ADCY2: variants seen among roughly 807,000 people sequenced by gnomAD.
ADCY2 encodes adenylate cyclase type 2.
ADCY2 carries 31 observed loss-of-function variants against 125.2 expected under a neutral mutation model. That is an observed-to-expected ratio of 0.25 (90% CI 0.19 to 0.33). The LOEUF is 0.33. ADCY2 is among the 10% of genes least tolerant of loss of function. The pLI, the probability that ADCY2 is intolerant of heterozygous loss-of-function variation, is 1.00. For synonymous variants in ADCY2, 512 were observed against 548.4 expected, an observed-to-expected ratio of 0.93 and a Z score of 0.93; for missense variants, 904 against 1,418.2, an observed-to-expected ratio of 0.64 and a Z score of 5.82.
intron 2 of ADCY2, among the ~76,000 whole-genome samples, chr5:7,479,743 C>G (rs1308671808): frequency 6.6e-6 from 1 of 152,018 alleles, no homozygotes; most frequent in Non-Finnish European, 1.5e-5. Flanking sequence ...CGTAAATCCC[C>G]CCAGTTACCC....
intron 3 of ADCY2, among the ~76,000 whole-genome samples, chr5:7,562,928 AT>A: frequency 6.6e-6 from 1 of 152,322 alleles, no homozygotes; most frequent in East Asian, 1.9e-4. Flanking sequence ...ATGGCAAGAC[AT>A]TCTTATTAAC....
intron 3 of ADCY2, among the ~76,000 whole-genome samples, chr5:7,613,314 T>C (rs1410140839): frequency 1.3e-5 from 2 of 152,138 alleles, no homozygotes; most frequent in Non-Finnish European, 2.9e-5. Flanking sequence ...GTGTGTCCTA[T>C]CACCGGAGCT....
intron 2 of ADCY2, among the ~76,000 whole-genome samples, chr5:7,504,617 CTTT>C (rs563915228): frequency 1.4e-5 from 2 of 138,028 alleles, no homozygotes; most frequent in Non-Finnish European, 1.6e-5. Context: ...TTTTTTCTTT[CTTT>C]TTTTTTTTTT....
At chr5:7,792,568 C>G (rs1291474253) in intron 20 of ADCY2, among the ~76,000 whole-genome samples, 1 of 151,986 alleles carries the variant, frequency 6.6e-6, no homozygotes, top group Non-Finnish European at 1.5e-5. Context: ...AGAGCCCTGT[C>G]TCATGTCCTG....
rs1554030724 is a variant in ADCY2, at chr5:7,674,080, C to CAT, written c.721-16611_721-16610insAT. Among the ~76,000 whole-genome samples, 19 of 1,602 alleles carry CAT rather than the reference C, an allele frequency of 0.012. No homozygotes were observed. The South Asian group carries it at 0.29, about 24-fold the overall frequency. The allele number at this position is 1,602 out of a possible 152,430, so 1.1% of individuals were successfully genotyped here. On this transcript the variant is annotated intron_variant, in intron 4 of 24. Transcript: ENST00000338316. ...CTCAGAGGGTAGGGTCCAGTCTCAGCGTGTGTCGTCAGCTGTCCCTAGCTT... is the reference window on the plus strand; with the variant it reads ...CTCAGAGGGTAGGGTCCAGTCTCAGCATGTGTGTCGTCAGCTGTCCCTAGCTT...
chr5:7,636,212 G>A (rs1027025189), intron 4 of ADCY2, among the ~76,000 whole-genome samples: 4 of 152,266 alleles, frequency 2.6e-5, no homozygotes, highest in East Asian at 1.9e-4. Context: ...AAGAGAGGGC[G>A]CAGCACCATT....
intron 3 of ADCY2, among the ~76,000 whole-genome samples, chr5:7,564,377 G>T (rs1184176517): frequency 1.3e-5 from 2 of 152,176 alleles, no homozygotes; most frequent in East Asian, 3.9e-4. Context: ...GGGATTCATT[G>T]TGATCTAAGT....
chr5:7,826,978 A>G lies in ADCY2; in HGVS notation c.*107A>G, dbSNP rs1339255779. 40 of 1,371,686 alleles carry G rather than the reference A, an allele frequency of 2.9e-5. No homozygotes were observed. The highest frequency in any genetic ancestry group is 2.3e-4 in the Middle Eastern group (1 of 4,270). The allele number at this position is 1,371,686 out of a possible 1,614,324, so 85.0% of individuals were successfully genotyped here. On this transcript the variant is annotated 3_prime_UTR_variant, in exon 25 of 25. Transcript: ENST00000338316. ...TTTTGATGTGCGTGCTGTCTGTCCT[A>G]TGGAGCCTCTGCAGACTCGTTCTCG...
At chr5:7,618,205 A>G (rs1022615796) in intron 3 of ADCY2, among the ~76,000 whole-genome samples, 1 of 152,146 alleles carries the variant, frequency 6.6e-6, no homozygotes, top group Non-Finnish European at 1.5e-5. Context: ...CCTCTGTGCA[A>G]TCTTGTCTCT....
chr5:7,748,966 C>T (rs982514464), intron 15 of ADCY2, among the ~76,000 whole-genome samples: 2 of 152,112 alleles, frequency 1.3e-5, no homozygotes, highest in African/African-American at 4.8e-5. Context: ...GCCTTGGAAC[C>T]TTATAGTAGA....
chr5:7,494,836 A>C (rs1247581896), intron 2 of ADCY2, among the ~76,000 whole-genome samples: 2 of 152,224 alleles, frequency 1.3e-5, no homozygotes, highest in Admixed American at 1.3e-4. Flanking sequence ...CATTTTGATT[A>C]GTTGAACTTG....
At chr5:7,504,241 CAAAAT>C (rs1743713058) in intron 2 of ADCY2, among the ~76,000 whole-genome samples, 1 of 152,114 alleles carries the variant, frequency 6.6e-6, no homozygotes, top group Non-Finnish European at 1.5e-5. Context: ...ACGACAGAGC[CAAAAT>C]CCCTTATGAA....
At chr5:7,490,797 A>G (rs904733191) in intron 2 of ADCY2, among the ~76,000 whole-genome samples, 2 of 152,334 alleles carry the variant, frequency 1.3e-5, no homozygotes, top group South Asian at 4.1e-4. Context: ...GACCACCTGA[A>G]CAGACATGTC....
At chr5:7,555,854 G>GCACACACA (rs58926524) in intron 3 of ADCY2, among the ~76,000 whole-genome samples, 1 of 142,642 alleles carries the variant, frequency 7.0e-6, no homozygotes, top group African/African-American at 2.7e-5. Flanking sequence ...ACATGTGAGC[G>GCACACACA]CACACACACA....
At chr5:7,724,712 CT>C (rs1039899806) in intron 13 of ADCY2, 98 bp downstream of exon 13, 31 of 819,268 alleles carry the variant, frequency 3.8e-5, no homozygotes, top group African/African-American at 1.8e-5. Flanking sequence ...GACATTTAAA[CT>C]GCCTCTGACT....
At chr5:7,651,929 A>C (rs1390230917) in intron 4 of ADCY2, among the ~76,000 whole-genome samples, 1 of 152,080 alleles carries the variant, frequency 6.6e-6, no homozygotes, top group African/African-American at 2.4e-5. Flanking sequence ...CAACCTCCCA[A>C]GTAGCTAGGA....
intron 4 of ADCY2, among the ~76,000 whole-genome samples, chr5:7,647,359 AATG>A (rs949856505): frequency 4.6e-5 from 7 of 152,294 alleles, no homozygotes; most frequent in African/African-American, 1.4e-4. Flanking sequence ...CCACGTAAGC[AATG>A]ATAATATCTG....
intron 3 of ADCY2, among the ~76,000 whole-genome samples, chr5:7,539,896 A>G (rs78538453): frequency 0.016 from 2,472 of 152,352 alleles, 85 homozygotes; most frequent in African/African-American, 0.056. Flanking sequence ...TTTCAGGAGA[A>G]TAATTTATCA....
At chr5:7,633,273 A>G (rs1386994851) in intron 4 of ADCY2, among the ~76,000 whole-genome samples, 1 of 151,954 alleles carries the variant, frequency 6.6e-6, no homozygotes, top group East Asian at 1.9e-4. Context: ...TCTACTAAAA[A>G]TACAAAAATT....
Sources: allele counts gnomAD v4.1 joint callset (sites outside exome capture counted in the v4.1 genomes callset), GRCh38; gene constraint gnomAD v4.1.1; transcripts MANE v1.5; gene names NCBI Gene and HGNC (gene_info 2026-07-23, HGNC 2026-07-21).